The following ITGB4 variants were observed in gnomAD, a reference collection of about 807,000 sequenced individuals.
The protein encoded by ITGB4 is integrin beta-4.
In ITGB4, 159 loss-of-function variants were observed where a neutral mutation model predicts 207.6. That is an observed-to-expected ratio of 0.77 (90% CI 0.67 to 0.87). ITGB4 has a LOEUF of 0.87. Among genes scored for constraint, ITGB4 ranks in the 40% least tolerant of loss-of-function variants. The pLI is 0.00. For synonymous variants in ITGB4, 1,020 were observed against 1,062.7 expected (o/e 0.96, Z 0.78); for missense variants, 2,278 against 2,546.8 (o/e 0.89, Z 2.27).
chr17:75,742,191 TA>T lies in ITGB4; in HGVS notation c.2634-149del. On this transcript the variant is annotated intron_variant, in intron 23 of 39. Coordinates refer to ENST00000200181, the MANE Select transcript of ITGB4 (RefSeq NM_000213.5). This position sits in a 1 kb window ranked among gnomAD's most constrained non-coding sequence, Gnocchi z 5.9. ...CAGGGTAAAGGGTATGGGGCTGGCA[TA>T]GGCCTGGAGCACTGCCTGCCTCTGA... 1 of 997,148 alleles carries T rather than the reference TA, an allele frequency of 1.0e-6. No homozygotes were observed. The highest frequency in any genetic ancestry group is 1.5e-6 in the Non-Finnish European group (1 of 656,548). 61.8% of individuals were successfully genotyped at this position (997,148 alleles called of 1,614,324 possible).
At chr17:75,751,200 C>T in intron 30 of ITGB4, 89 bp downstream of exon 30, 1 of 1,471,898 alleles carries the variant, frequency 6.8e-7, no homozygotes, top group Non-Finnish European at 9.4e-7. Flanking sequence ...TGGTCACTCC[C>T]TGGACCTGCT....
Position 75,748,951 on chromosome 17 carries a change from C to T in ITGB4, c.3222C>T (p.Arg1074=), listed in dbSNP as rs756312327. 3.1e-6 allele frequency: 5 copies of T among 1,613,376 alleles called. No homozygotes were observed. The highest frequency in any genetic ancestry group is 3.3e-5 in the Admixed American group (2 of 60,012). Residue 1074 remains arginine (R), a synonymous_variant, in exon 27 of 40, where the codon CGC becomes CGT. Coordinates refer to ENST00000200181, the MANE Select transcript of ITGB4 (RefSeq NM_000213.5). ...LQEVDSLLRG[R]QVRRFHVQLS... is the part of the protein sequence containing the mutation. ...AAGTTGACTCCCTCCTGCGGGGCCG[C>T]CAGGTCCGCCGTTTCCACGTCCAGC... is the stretch of plus-strand genomic sequence containing the variant.
At chr17:75,748,259 C>T (rs1346148958) in intron 26 of ITGB4, among the ~76,000 whole-genome samples, 2 of 148,542 alleles carry the variant, frequency 1.3e-5, no homozygotes, top group African/African-American at 2.5e-5. Flanking sequence ...GCTACTCAGG[C>T]GGCTGAGGGG....
chr17:75,731,666 T>C lies in ITGB4; in HGVS notation c.1216-146T>C. 1.1e-6 allele frequency: 1 copy of C among 918,964 alleles called. No homozygotes were observed. Among genetic ancestry groups the C allele is most frequent in the Non-Finnish European group, 1.6e-6 (1 of 627,988 alleles). 56.9% of individuals were successfully genotyped at this position (918,964 alleles called of 1,614,324 possible). A position where few individuals can be genotyped will look rare whatever the true frequency, so the allele number is the denominator to read the frequency against. On this transcript the variant is annotated intron_variant, in intron 10 of 39. Coordinates refer to ENST00000200181, the MANE Select transcript of ITGB4 (RefSeq NM_000213.5). The surrounding 1 kb of genome is among the most constrained non-coding windows in gnomAD (Gnocchi z 6.8). ...TGTGACTGCGCTGGGAAGGAGGGAG[T>C]TTCCAGCCCTGAGGGAGGTGAGCAG...
intron 34 of ITGB4, chr17:75,755,288 A>C (rs925997946): frequency 1.3e-6 from 2 of 1,482,940 alleles, no homozygotes; most frequent in African/African-American, 2.8e-5. Context: ...AGCAGCCGCC[A>C]GCTGTGCCCA....
At chr17:75,726,930 G>A (rs1475995989) in intron 2 of ITGB4, among the ~76,000 whole-genome samples, 5 of 151,950 alleles carry the variant, frequency 3.3e-5, no homozygotes, top group Admixed American at 6.6e-5. Flanking sequence ...AAAATTAGCC[G>A]GGCGTGGTGG....
rs2060643518 is a variant in ITGB4 at position 75,722,805 on chromosome 17, GA to G, written c.-11+1196del. ...TGTGTGTGTGTGTCCCTGTGGGGGGGAAACTGCCTGTGCTGCAGTGTGATGG... is the reference window on the plus strand; with the variant it reads ...TGTGTGTGTGTGTCCCTGTGGGGGGGAACTGCCTGTGCTGCAGTGTGATGG... On this transcript the variant is annotated intron_variant, in intron 1 of 39. Coordinates refer to ENST00000200181, the MANE Select transcript of ITGB4 (RefSeq NM_000213.5). This position sits in a 1 kb window ranked among gnomAD's most constrained non-coding sequence, Gnocchi z 6.2. 2.0e-5 allele frequency among the ~76,000 whole-genome samples: 3 copies of G among 151,326 alleles called. 1 individual carries two copies. The highest frequency in any genetic ancestry group is 1.3e-4 in the Admixed American group (2 of 15,186).
chr17:75,752,277 G>A lies in ITGB4; in HGVS notation c.3897G>A (p.Lys1299=). The A allele has an allele frequency of 1.2e-6, 2 of 1,613,430 alleles. No homozygotes were observed. The highest frequency in any genetic ancestry group is 1.1e-5 in the South Asian group (1 of 91,088). Reference sequence around the variant, plus strand: ...CCCAGCCCTACCGCTACACGGTGAAGGCGCGCAACGGGGCCGGCTGGGGGC... The same window carrying A: ...CCCAGCCCTACCGCTACACGGTGAAAGCGCGCAACGGGGCCGGCTGGGGGC... The part of the protein sequence containing the change: ...RESQPYRYTV[K]ARNGAGWGPE... Residue 1299 remains lysine, a synonymous_variant, in exon 31 of 40, where the codon AAG becomes AAA. Coordinates refer to ENST00000200181, the MANE Select transcript of ITGB4 (RefSeq NM_000213.5).
rs1047665457 is a variant in ITGB4, at chr17:75,729,961, G to C, written c.739-280G>C. Reference sequence around the variant, plus strand: ...GATTTGAGACCAGCCTGGGAAACATGGCAAGACCCTGTCTCTACAGAAAAC... The same window carrying C: ...GATTTGAGACCAGCCTGGGAAACATCGCAAGACCCTGTCTCTACAGAAAAC... On this transcript the variant is annotated intron_variant, in intron 7 of 39. Coordinates refer to ENST00000200181, the MANE Select transcript of ITGB4 (RefSeq NM_000213.5). The surrounding 1 kb of genome is among the most constrained non-coding windows in gnomAD (Gnocchi z 4.4). 6.6e-6 allele frequency among the ~76,000 whole-genome samples: 1 copy of C among 152,208 alleles called. No individual in the cohort carries two copies. Among genetic ancestry groups the C allele is most frequent in the Non-Finnish European group, 1.5e-5 (1 of 68,028 alleles).
chr17:75,739,590 G>C lies in ITGB4; in HGVS notation c.2221-82G>C. ...GCACTGTCACCCCTCTTGACCATTG[G>C]CATGGGGCGGGGTGGCTGGAAGGGC... On this transcript the variant is annotated intron_variant, in intron 18 of 39. Coordinates refer to ENST00000200181, the MANE Select transcript of ITGB4 (RefSeq NM_000213.5). This position sits in a 1 kb window ranked among gnomAD's most constrained non-coding sequence, Gnocchi z 5.4. The C allele has an allele frequency of 1.3e-6, 2 of 1,502,256 alleles. No individual in the cohort carries two copies. The highest frequency in any genetic ancestry group is 1.9e-6 in the Non-Finnish European group (2 of 1,080,140). 93.1% of individuals were successfully genotyped at this position (1,502,256 alleles called of 1,614,324 possible).
At chr17:75,736,508 G>C in intron 15 of ITGB4, 57 bp from the exon 16 acceptor site, 1 of 1,595,334 alleles carries the variant, frequency 6.3e-7, no homozygotes, top group South Asian at 1.1e-5. Flanking sequence ...GGGGAGCGGG[G>C]GTCTGGCAGA....
Position 75,742,234 on chromosome 17 carries a change from G to C in ITGB4, c.2634-107G>C. On this transcript the variant is annotated intron_variant, in intron 23 of 39. Coordinates refer to ENST00000200181, the MANE Select transcript of ITGB4 (RefSeq NM_000213.5). The surrounding 1 kb of genome is among the most constrained non-coding windows in gnomAD (Gnocchi z 5.9). ...TGCCTCTGAAGACCCTGCACTTCTT[G>C]CTGTCTTACATCCTGGCCCCTGAAG... 7.1e-7 allele frequency: 1 copy of C among 1,409,388 alleles called. No homozygotes were observed. The highest frequency in any genetic ancestry group is 1.8e-5 in the Admixed American group (1 of 55,082). 87.3% of individuals were successfully genotyped at this position (1,409,388 alleles called of 1,614,324 possible).
rs778331639 is a variant in ITGB4 at position 75,757,196 on chromosome 17, C to T, written c.5219-4C>T. 1 of 1,612,414 alleles carries T rather than the reference C, an allele frequency of 6.2e-7. No individual in the cohort carries two copies. The highest frequency in any genetic ancestry group is 8.5e-7 in the Non-Finnish European group (1 of 1,179,900). ...CCTCTGACTGGCCTATCTGCCCACC[C>T]CAGGACCCTTCCCGCAGCTGGGCAG... On this transcript the variant is annotated splice_polypyrimidine_tract_variant and splice_region_variant and intron_variant, in intron 38 of 39. Coordinates refer to ENST00000200181, the MANE Select transcript of ITGB4 (RefSeq NM_000213.5).
intron 13 of ITGB4, among the ~76,000 whole-genome samples, chr17:75,734,066 A>C (rs1380471844): frequency 7.0e-6 from 1 of 142,926 alleles, no homozygotes; most frequent in African/African-American, 2.7e-5. Context: ...ATATGGCATT[A>C]TGATCTTTCC....
Position 75,727,975 on chromosome 17 carries a change from C to A in ITGB4, c.469+120C>A. On this transcript the variant is annotated intron_variant, in intron 5 of 39. Coordinates refer to ENST00000200181, the MANE Select transcript of ITGB4 (RefSeq NM_000213.5). This position sits in a 1 kb window ranked among gnomAD's most constrained non-coding sequence, Gnocchi z 6.0. Reference sequence around the variant, plus strand: ...AGAAGGAAACACTGGACATTTGAGCCCCCAAAAACCTTCCCTTCCATTCTC... The same window carrying A: ...AGAAGGAAACACTGGACATTTGAGCACCCAAAAACCTTCCCTTCCATTCTC... The A allele has an allele frequency of 4.5e-6, 4 of 879,704 alleles. No individual in the cohort carries two copies. Among genetic ancestry groups the A allele is most frequent in the Admixed American group, 2.2e-5 (1 of 44,556 alleles). The allele number at this position is 879,704 out of a possible 1,614,324, so 54.5% of individuals were successfully genotyped here.
Position 75,754,854 on chromosome 17 carries a change from C to T in ITGB4, c.4558+39C>T. The stretch of plus-strand genomic sequence containing the variant: ...GCCAACCCTGCCTCTCCCACTAACC[C>T]TTCCTCTCTTCCAGCTCCTGGAGCC... On this transcript the variant is annotated intron_variant, in intron 34 of 39. Transcript: ENST00000200181. 4 of 1,613,498 alleles carry T rather than the reference C, an allele frequency of 2.5e-6. No individual in the cohort carries two copies. In the South Asian group the frequency reaches 4.4e-5, roughly 18 times the overall value.
At chr17:75,736,468 C>T (rs987203005) in intron 15 of ITGB4, 82 bp downstream of exon 15, 97 of 1,608,530 alleles carry the variant, frequency 6.0e-5, no homozygotes, top group Non-Finnish European at 8.2e-5. Flanking sequence ...AAGCCTGATG[C>T]CACAGGAGCT....
chr17:75,728,845 G>T (rs138826441), intron 6 of ITGB4, among the ~76,000 whole-genome samples: 1 of 152,066 alleles, frequency 6.6e-6, no homozygotes, highest in Non-Finnish European at 1.5e-5. Context: ...TTAGCCAGGC[G>T]TGATGGTGGG....
chr17:75,755,214 G>A, intron 34 of ITGB4: 1 of 1,602,086 alleles, frequency 6.2e-7, no homozygotes, highest in Non-Finnish European at 8.5e-7. Flanking sequence ...TGGGGCCCAG[G>A]TAGTACAGGG....
Sources: gnomAD v4.1 joint callset for allele counts (sites outside exome capture counted in the v4.1 genomes callset) on GRCh38, gnomAD v4.1.1 for gene constraint, Gnocchi (gnomAD v3.1) non-coding constraint, MANE v1.5 for transcripts, NCBI Gene and HGNC (gene_info 2026-07-23, HGNC 2026-07-21) for gene names.